CSF1R: variants seen among roughly 807,000 people sequenced by gnomAD.
CSF1R encodes macrophage colony-stimulating factor 1 receptor.
CSF1R carries 40 observed loss-of-function variants against 110.0 expected under a neutral mutation model. That is an observed-to-expected ratio of 0.36 (90% CI 0.28 to 0.47). CSF1R has a LOEUF of 0.47. Ranked by LOEUF, CSF1R falls within the 20% of genes least tolerant of loss-of-function variation. The pLI is 0.99. For missense variants in CSF1R, 1,052 were observed against 1,253.0 expected, an observed-to-expected ratio of 0.84 and a Z score of 2.42; for synonymous variants, 523 against 503.4, an observed-to-expected ratio of 1.04 and a Z score of -0.52.
chr5:150,098,607 A>G (rs1172599463), intron 1 of CSF1R: 1 of 152,218 alleles, frequency 6.6e-6, no homozygotes, highest in Non-Finnish European at 1.5e-5. Flanking sequence ...AATATTCAAC[A>G]TTGCATATCT....
At chr5:150,107,361 AG>A in intron 1 of CSF1R, among the ~76,000 whole-genome samples, 1 of 152,378 alleles carries the variant, frequency 6.6e-6, no homozygotes, top group Admixed American at 6.5e-5. Flanking sequence ...TGAGACTGGA[AG>A]GGGTGCTATT....
intron 1 of CSF1R, chr5:150,094,374 T>A (rs1581342471): frequency 6.3e-7 from 1 of 1,599,828 alleles, no homozygotes. Context: ...GCGAAGGAAT[T>A]TCGCAGAGCT....
chr5:150,056,080 C>T lies in CSF1R; in HGVS notation c.2500G>A (p.Val834Ile), dbSNP rs751178536. The stretch of plus-strand genomic sequence containing the variant: ...CCATAGGACCAGACGTCGCTCTGAA[C>T]CGTGTAGACACAGTCAAAGATGCTC... Reference protein sequence around the residue: ...PESIFDCVYTVQSDVWSYGIL... With the variant: ...PESIFDCVYTIQSDVWSYGIL... The change falls in exon 18 of 21, where the codon GTT (valine) becomes ATT (isoleucine). Residue 834 changes from valine (V) to isoleucine (I), a missense_variant. Physicochemically the swap from Val to Ile is conservative, Grantham distance 29 (BLOSUM62 3). Around this residue, in one of 5 missense-constraint regions of CSF1R, gnomAD observed 74 missense variants for 187.4 expected, o/e 0.39. Coordinates refer to ENST00000675795, the MANE Select transcript of CSF1R (RefSeq NM_001288705.3). 4.3e-6 allele frequency: 7 copies of T among 1,614,120 alleles called. No individual in the cohort carries two copies. The highest frequency in any genetic ancestry group is 2.7e-5 in the African/African-American group (2 of 74,944).
rs561455237 is a variant in CSF1R, at chr5:150,105,042, C to T, written c.-181+8219G>A. ...TATAGGCACCCACCACCACGCCCAG[C>T]TAATTTTTTAATATTTTTGACAGAG... is the stretch of plus-strand genomic sequence containing the variant. On this transcript the variant is annotated intron_variant, in intron 1 of 21. Coordinates refer to the CSF1R transcript ENST00000286301. 2.0e-5 allele frequency among the ~76,000 whole-genome samples: 3 copies of T among 151,466 alleles called. No homozygotes were observed. The South Asian group carries it at 6.3e-4, about 32-fold the overall frequency.
chr5:150,088,959 G>GA (rs541988780), upstream of CSF1R, among the ~76,000 whole-genome samples: 2 of 152,088 alleles, frequency 1.3e-5, no homozygotes, highest in Non-Finnish European at 2.9e-5. Context: ...TTAATAGAAT[G>GA]AAAAAAATCC....
chr5:150,112,273 C>T (rs1759742925), intron 1 of CSF1R, among the ~76,000 whole-genome samples: 1 of 152,220 alleles, frequency 6.6e-6, no homozygotes, highest in African/African-American at 2.4e-5. Flanking sequence ...GGACTGGTGT[C>T]TCATCTGTAA....
At position 150,104,652 on chromosome 5, in the gene CSF1R, G is replaced by C. The variant is rs536740123; in HGVS notation, c.-181+8609C>G. ...CTTGTTTTACTGAAGAGCAAACCAA[G>C]GCTCAGAGAAGTTAAGTCACTTTCC... On this transcript the variant is annotated intron_variant, in intron 1 of 21. Transcript: ENST00000286301. Among the ~76,000 whole-genome samples, 13 of 152,306 alleles carry C rather than the reference G, an allele frequency of 8.5e-5. No individual in the cohort carries two copies. In the South Asian group the frequency reaches 2.5e-3, roughly 29 times the overall value.
In CSF1R at chr5:150,080,752, G is replaced by A. The variant is rs1758500314; in HGVS notation, c.307+15C>T. 1 of 1,613,920 alleles carries A rather than the reference G, an allele frequency of 6.2e-7. No homozygotes were observed. The highest frequency in any genetic ancestry group is 1.3e-5 in the African/African-American group (1 of 75,030). On this transcript the variant is annotated intron_variant, in intron 2 of 20. Transcript: ENST00000675795. ...GCCGGGTCAGGCCTCTTGGGAGGAG[G>A]CTCAGACTCCTCACCTTTGACATAG...
chr5:150,081,833 G>T (rs1298955321), intron 1 of CSF1R, among the ~76,000 whole-genome samples: 1 of 152,242 alleles, frequency 6.6e-6, no homozygotes, highest in African/African-American at 2.4e-5. Flanking sequence ...AAGGAGAAAA[G>T]AGAACTTGAA....
intron 1 of CSF1R, among the ~76,000 whole-genome samples, chr5:150,095,281 A>G (rs73275693): frequency 0.024 from 3,582 of 152,248 alleles, 155 homozygotes; most frequent in African/African-American, 0.083. Context: ...AAAATCGTAA[A>G]TGATTGACCT....
chr5:150,075,891 G>A (rs1251521569), intron 5 of CSF1R, among the ~76,000 whole-genome samples: 2 of 152,196 alleles, frequency 1.3e-5, no homozygotes, highest in Non-Finnish European at 2.9e-5. Flanking sequence ...GTCCACAGCA[G>A]AGCTCACAAT....
chr5:150,058,184 C>T (rs529720765), intron 14 of CSF1R: 25 of 455,572 alleles, frequency 5.5e-5, no homozygotes, highest in Admixed American at 2.6e-4. Flanking sequence ...TAAATCACCC[C>T]GGGAATCTCT....
chr5:150,088,765 C>A (rs1471116494), upstream of CSF1R, among the ~76,000 whole-genome samples: 1 of 152,146 alleles, frequency 6.6e-6, no homozygotes, highest in Non-Finnish European at 1.5e-5. Flanking sequence ...AACTCCTGAC[C>A]TCAAGCAGTC....
At chr5:150,056,844 C>T (rs146849468) in intron 16 of CSF1R, among the ~76,000 whole-genome samples, 89 of 152,316 alleles carry the variant, frequency 5.8e-4, no homozygotes, top group Non-Finnish European at 1.0e-3. Context: ...AATCAAACCA[C>T]TGACTCCCGA....
chr5:150,080,269 C>G lies in CSF1R; in HGVS notation c.375G>C (p.Leu125=), dbSNP rs145276897. 10 of 1,613,872 alleles carry G rather than the reference C, an allele frequency of 6.2e-6. No homozygotes were observed. In the East Asian group the frequency reaches 2.0e-4, roughly 32 times the overall value. Residue 125 remains leucine (L), a synonymous_variant, in exon 3 of 21, where the codon CTG becomes CTC. Transcript: ENST00000675795. Reference sequence around the variant, plus strand: ...GCACCGGGTCTGTGAGCAGACAGGGCAGTAGTGCGTCCTGGTCCTCGAACA... The same window carrying G: ...GCACCGGGTCTGTGAGCAGACAGGGGAGTAGTGCGTCCTGGTCCTCGAACA... ...VVVFEDQDAL[L]PCLLTDPVLE...
In CSF1R at chr5:150,113,280, G is replaced by A. The variant is rs1282627420; in HGVS notation, c.-200C>T. On this transcript the variant is annotated 5_prime_UTR_variant, in exon 1 of 22. Coordinates refer to the CSF1R transcript ENST00000286301. ...CCTTACCCTGGCCGCAGTTCCCTCCGCTTCCTCTCTTCCTCTTCCTCTTCC... is the reference window on the plus strand; with the variant it reads ...CCTTACCCTGGCCGCAGTTCCCTCCACTTCCTCTCTTCCTCTTCCTCTTCC... The A allele has an allele frequency of 1.8e-4, 27 of 149,866 alleles. No individual in the cohort carries two copies. Among genetic ancestry groups the A allele is most frequent in the Non-Finnish European group, 1.4e-5 (1 of 70,234 alleles). 9.3% of individuals were successfully genotyped at this position (149,866 alleles called of 1,614,324 possible). A position where few individuals can be genotyped will look rare whatever the true frequency, so the allele number is the denominator to read the frequency against.
Position 150,053,605 on chromosome 5 carries a change from T to C in CSF1R, c.*464A>G. ...AGGAGCCATCCTGCTCCAAGGGGCC[T>C]GAGCTGAGTGTGGTCTGTGAGCATC... On this transcript the variant is annotated 3_prime_UTR_variant, in exon 21 of 21. Coordinates refer to ENST00000675795, the MANE Select transcript of CSF1R (RefSeq NM_001288705.3). The C allele has an allele frequency of 3.8e-6, 1 of 266,646 alleles. No homozygotes were observed. The highest frequency in any genetic ancestry group is 1.0e-4 in the South Asian group (1 of 10,040). 16.5% of individuals were successfully genotyped at this position (266,646 alleles called of 1,614,324 possible).
At position 150,080,947 on chromosome 5, in the gene CSF1R, C is replaced by A; in HGVS notation, c.127G>T (p.Val43Leu). Residue 43 changes from valine to leucine, a missense_variant, in exon 2 of 21, where the codon GTG (valine) becomes TTG (leucine). Transcript: ENST00000675795. ...KPGATVTLRC[V>L]GNGSVEWDGP... ...TCCCATTCCACGCTGCCATTGCCCA[C>A]ACATCGCAAGGTCACCGTTGCTCCT... 1.2e-6 allele frequency: 2 copies of A among 1,614,184 alleles called. No individual in the cohort carries two copies. The highest frequency in any genetic ancestry group is 1.7e-6 in the Non-Finnish European group (2 of 1,180,018).
intron 6 of CSF1R, among the ~76,000 whole-genome samples, chr5:150,071,545 C>T (rs1291368430): frequency 6.6e-6 from 1 of 152,202 alleles, no homozygotes; most frequent in African/African-American, 2.4e-5. Context: ...CTTGAGATAA[C>T]TAACCCCTTT....
Sources: gnomAD v4.1 joint callset for allele counts (sites outside exome capture counted in the v4.1 genomes callset) on GRCh38, gnomAD v4.1.1 for gene constraint, gnomAD v4.1.1 regional missense constraint, MANE v1.5 for transcripts, NCBI Gene and HGNC (gene_info 2026-07-23, HGNC 2026-07-21) for gene names.